Variants in KNTC1 observed in about 807,000 individuals in gnomAD.
The protein encoded by KNTC1 is kinetochore-associated protein 1.
KNTC1 carries 253 observed loss-of-function variants against 314.4 expected under a neutral mutation model. That is an observed-to-expected ratio of 0.80 (90% CI 0.73 to 0.89). KNTC1 has a LOEUF of 0.89. KNTC1 is among the 40% of genes least tolerant of loss of function. The pLI, the probability that KNTC1 is intolerant of heterozygous loss-of-function variation, is 0.00. For synonymous variants in KNTC1, 901 were observed against 901.4 expected, an observed-to-expected ratio of 1.00 and a Z score of 0.01; for missense variants, 2,475 against 2,572.9, an observed-to-expected ratio of 0.96 and a Z score of 0.82.
chr12:122,585,113 C>T (rs1352640986), intron 36 of KNTC1, 123 bp downstream of exon 36: 5 of 633,880 alleles, frequency 7.9e-6, no homozygotes, highest in Non-Finnish European at 5.6e-6. Context: ...TCAAGGCTTA[C>T]TGCAGTCTTG....
chr12:122,559,399 T>A (rs765654805), intron 18 of KNTC1, among the ~76,000 whole-genome samples: 1 of 152,090 alleles, frequency 6.6e-6, no homozygotes, highest in Non-Finnish European at 1.5e-5. Context: ...CACATGTCAG[T>A]GCTGTATTTC....
In KNTC1 at chr12:122,547,482, A is replaced by G. The variant is rs1454299996; in HGVS notation, c.884A>G (p.Glu295Gly). ...TGGAACTGGCCCTCTCTTCACGTAG[A>G]AGAGTTTCTTCTTACTACAGAAGCA... ...PVWNWPSLHV[E>G]EFLLTTEADS... The change falls in exon 11 of 64, where the codon GAA becomes GGA. Residue 295 changes from glutamate (E) to glycine (G), a missense_variant. By Grantham distance (98) the Glu-to-Gly change is moderately conservative. Coordinates refer to ENST00000333479, the MANE Select transcript of KNTC1 (RefSeq NM_014708.6). 6.2e-7 allele frequency: 1 copy of G among 1,613,082 alleles called. No individual in the cohort carries two copies. Among genetic ancestry groups the G allele is most frequent in the Non-Finnish European group, 8.5e-7 (1 of 1,179,348 alleles).
At chr12:122,545,533 T>C (rs185010136) in intron 8 of KNTC1, among the ~76,000 whole-genome samples, 14 of 152,368 alleles carry the variant, frequency 9.2e-5, no homozygotes, top group Admixed American at 2.0e-4. Flanking sequence ...AAATTTTTTT[T>C]CCAAATATCT....
intron 40 of KNTC1, 120 bp from the exon 41 acceptor site, chr12:122,590,487 G>GT (rs969446748): frequency 8.1e-5 from 80 of 988,422 alleles, no homozygotes; most frequent in Middle Eastern, 3.2e-4. Context: ...TCTTTAAAAA[G>GT]TTTTTTTTAA....
chr12:122,561,890 T>C, intron 18 of KNTC1, 31 bp from the exon 19 acceptor site: 3 of 1,499,732 alleles, frequency 2.0e-6, no homozygotes, highest in Non-Finnish European at 2.7e-6. Context: ...TAGATATTCT[T>C]CTAACTGTAT....
At chr12:122,621,524 A>G (rs1874432629) in intron 60 of KNTC1, among the ~76,000 whole-genome samples, 1 of 152,160 alleles carries the variant, frequency 6.6e-6, no homozygotes, top group African/African-American at 2.4e-5. Flanking sequence ...TAGTAGAGAC[A>G]GGGTTTTGCT....
intron 48 of KNTC1, among the ~76,000 whole-genome samples, chr12:122,604,361 G>A (rs1438388437): frequency 2.6e-5 from 4 of 151,618 alleles, no homozygotes; most frequent in African/African-American, 9.7e-5. Flanking sequence ...TGGCCAGGGT[G>A]GTCTCAAACT....
intron 16 of KNTC1, among the ~76,000 whole-genome samples, chr12:122,552,599 AGAGATCTGT>A (rs1377080521): frequency 2.0e-5 from 3 of 152,118 alleles, no homozygotes; most frequent in African/African-American, 7.2e-5. Flanking sequence ...CCTGGGCTTA[AGAGATCTGT>A]CTACCTTGGC....
chr12:122,528,438 T>C (rs1200465393), intron 1 of KNTC1, among the ~76,000 whole-genome samples: 1 of 152,182 alleles, frequency 6.6e-6, no homozygotes, highest in Non-Finnish European at 1.5e-5. Flanking sequence ...AACCAAGCAT[T>C]GTTCTGTGAA....
chr12:122,569,385 T>TG (rs1194341193), intron 21 of KNTC1, among the ~76,000 whole-genome samples: 1 of 152,232 alleles, frequency 6.6e-6, no homozygotes, highest in East Asian at 1.9e-4. Context: ...ATGCCCTTAA[T>TG]GGCTGCATTG....
Position 122,615,082 on chromosome 12 carries a change from A to G in KNTC1, c.5969A>G (p.Asn1990Ser), listed in dbSNP as rs373000158. 31 of 1,608,652 alleles carry G rather than the reference A, an allele frequency of 1.9e-5. No individual in the cohort carries two copies. Among genetic ancestry groups the G allele is most frequent in the Middle Eastern group, 1.7e-4 (1 of 6,056 alleles). Residue 1990 changes from asparagine to serine, a missense_variant, in exon 56 of 64, where the codon AAT (asparagine) becomes AGT (serine). Asn to Ser is a conservative substitution (Grantham distance 46). Transcript: ENST00000333479. ...CTCTTGCAAAAGCTTCTGGGCTTCA[A>G]TATGGTAAGTAAGACTCAATGCCCT... ...NGLLQKLLGFNMIPYLRKVLK... is the reference protein window; with the variant it reads ...NGLLQKLLGFSMIPYLRKVLK...
intron 16 of KNTC1, 55 bp from the exon 17 acceptor site, chr12:122,557,329 A>G (rs1330561394): frequency 6.4e-7 from 1 of 1,554,712 alleles, no homozygotes; most frequent in Non-Finnish European, 8.7e-7. Context: ...AGAATAAGCC[A>G]TCCACAGGTA....
chr12:122,624,294 G>T (rs1358215757), intron 62 of KNTC1, among the ~76,000 whole-genome samples: 2 of 148,106 alleles, frequency 1.4e-5, no homozygotes, highest in Admixed American at 6.9e-5. Context: ...TTTGAAATAG[G>T]GTCTTGCTTT....
intron 3 of KNTC1, among the ~76,000 whole-genome samples, chr12:122,534,988 A>G (rs575244522): frequency 2.6e-5 from 4 of 152,346 alleles, no homozygotes; most frequent in South Asian, 2.1e-4. Flanking sequence ...CCTTCTCTCA[A>G]TACATCTGAG....
chr12:122,597,570 A>G (rs1279337788), intron 43 of KNTC1, 161 bp from the exon 44 acceptor site: 3 of 647,086 alleles, frequency 4.6e-6, no homozygotes, highest in South Asian at 1.8e-5. Context: ...TTAAAAGGCA[A>G]TAATTAGCTT....
At chr12:122,550,067 A>G (rs1963079714) in intron 13 of KNTC1, among the ~76,000 whole-genome samples, 8 of 152,104 alleles carry the variant, frequency 5.3e-5, no homozygotes, top group Admixed American at 4.6e-4. Flanking sequence ...GTTAGTCATC[A>G]TATTAAAAAA....
chr12:122,549,810 A>G lies in KNTC1; in HGVS notation c.1032A>G (p.Leu344=), dbSNP rs1963062549. Residue 344 remains leucine (L), a synonymous_variant, in exon 13 of 64, where the codon CTA becomes CTG. Transcript: ENST00000333479. ...ATTCATTACCTACAATGGAAATACT[A>G]TATTCTTTGGAAGTATCTAGTGTTT... ...MVYSLPTMEI[L]YSLEVSSVSS... The G allele has an allele frequency of 6.4e-7, 1 of 1,568,932 alleles. No homozygotes were observed. The highest frequency in any genetic ancestry group is 1.3e-5 in the African/African-American group (1 of 74,268).
chr12:122,608,203 C>T (rs748102909), intron 51 of KNTC1, among the ~76,000 whole-genome samples: 3 of 152,146 alleles, frequency 2.0e-5, no homozygotes, highest in African/African-American at 4.8e-5. Context: ...TCCGCCTCCC[C>T]GGCTCAAGTG....
intron 5 of KNTC1, among the ~76,000 whole-genome samples, chr12:122,541,835 A>G (rs1236127718): frequency 6.6e-6 from 1 of 150,700 alleles, no homozygotes; most frequent in Non-Finnish European, 1.5e-5. Flanking sequence ...CCTGGCCAAC[A>G]TGGTGAAACC....
Sources: allele counts gnomAD v4.1 joint callset (sites outside exome capture counted in the v4.1 genomes callset), GRCh38; gene constraint gnomAD v4.1.1; transcripts MANE v1.5; gene names NCBI Gene and HGNC (gene_info 2026-07-23, HGNC 2026-07-21).